The following AGRN variants were observed in gnomAD, a reference collection of about 807,000 sequenced individuals.
The protein encoded by AGRN is agrin proteoglycan.
In AGRN, 106 loss-of-function variants were observed where a neutral mutation model predicts 211.0. The ratio of observed to expected loss-of-function variants is 0.50; its 90% CI spans 0.43 to 0.59. The LOEUF (loss-of-function observed/expected upper bound fraction) is 0.59. Ranked by LOEUF, AGRN falls within the 20% of genes least tolerant of loss-of-function variation. AGRN has a pLI of 0.00. For missense variants in AGRN, 3,040 were observed against 2,982.6 expected (o/e 1.02, Z -0.45); for synonymous variants, 1,525 against 1,332.5 (o/e 1.14, Z -3.15).
intron 12 of AGRN, among the ~76,000 whole-genome samples, chr1:1,044,787 A>G (rs1645044479): frequency 6.6e-6 from 1 of 152,206 alleles, no homozygotes; most frequent in Non-Finnish European, 1.5e-5. Context: ...ATGCGCGTGC[A>G]CAGATGTGTG....
rs747114622 is a variant in AGRN, at chr1:1,048,090, C to T, written c.3830C>T (p.Ser1277Leu). 30 of 1,574,058 alleles carry T rather than the reference C, an allele frequency of 1.9e-5. No homozygotes were observed. Among genetic ancestry groups the T allele is most frequent in the African/African-American group, 1.5e-4 (11 of 74,358 alleles). ...GCCACGGCCAGAGCCACCACTGCAT[C>T]GCGCCTGCCGTCCTCTGCTGTGACC... is the stretch of plus-strand genomic sequence containing the variant. ...AGATARATTA[S>L]RLPSSAVTPR... The change falls in exon 23 of 36, where the codon TCG becomes TTG. Residue 1277 changes from serine to leucine, a missense_variant. Ser to Leu is a moderately radical substitution (Grantham distance 145, BLOSUM62 -2). Around this residue, in one of 3 missense-constraint regions of AGRN, gnomAD observed 1,537 missense variants for 1,505.0 expected, o/e 1.02. Coordinates refer to ENST00000379370, the MANE Select transcript of AGRN (RefSeq NM_198576.4). This position sits in a 1 kb window ranked among gnomAD's most constrained non-coding sequence, Gnocchi z 5.9.
chr1:1,025,738 G>A lies in AGRN; in HGVS notation c.463+3276G>A, dbSNP rs1417495198. Among the ~76,000 whole-genome samples the A allele has an allele frequency of 4.0e-5, 6 of 151,222 alleles. No homozygotes were observed. The East Asian group carries it at 9.8e-4, about 25-fold the overall frequency. On this transcript the variant is annotated intron_variant, in intron 2 of 35. Coordinates refer to ENST00000379370, the MANE Select transcript of AGRN (RefSeq NM_198576.4). ...GAGGGGGTCTGCCGGGTGGGAGGGC[G>A]GAGGGCCTACCTCTGTCCCTCCCCA...
rs1225701192 is a variant in AGRN at position 1,049,242 on chromosome 1, C to T, written c.4305C>T (p.Asp1435=). 2.5e-6 allele frequency: 4 copies of T among 1,582,734 alleles called. No individual in the cohort carries two copies. Among genetic ancestry groups the T allele is most frequent in the Non-Finnish European group, 3.4e-6 (4 of 1,170,568 alleles). Residue 1435 remains aspartate, a synonymous_variant, in exon 25 of 36, where the codon GAC becomes GAT. Coordinates refer to ENST00000379370, the MANE Select transcript of AGRN (RefSeq NM_198576.4). Reference sequence around the variant, plus strand: ...CACCTGCTCCTGCCCTCAGGTTTGACACAGGTTCGGGGCCGGCGGTGCTGA... The same window carrying T: ...CACCTGCTCCTGCCCTCAGGTTTGATACAGGTTCGGGGCCGGCGGTGCTGA... The part of the protein sequence containing the change: ...LLDGRVQLRF[D]TGSGPAVLTS...
Position 1,046,921 on chromosome 1 carries a change from A to C in AGRN, c.3352A>C (p.Thr1118Pro). 1 of 1,579,630 alleles carries C rather than the reference A, an allele frequency of 6.3e-7. No homozygotes were observed. Among genetic ancestry groups the C allele is most frequent in the Non-Finnish European group, 8.6e-7 (1 of 1,163,670 alleles). Residue 1118 changes from threonine (T) to proline (P), a missense_variant, in exon 19 of 36, where the codon ACG (threonine) becomes CCG (proline). Transcript: ENST00000379370. ...GTTGGGCTGCTGCTCTGATGGGAAG[A>C]CGCCCTCGCTGGACGCAGAGGGCTC... ...SALGCCSDGK[T>P]PSLDAEGSNC...
At chr1:1,036,004 C>T (rs964666088) in intron 3 of AGRN, among the ~76,000 whole-genome samples, 5 of 152,076 alleles carry the variant, frequency 3.3e-5, no homozygotes, top group African/African-American at 7.2e-5. Flanking sequence ...GGAACACAGA[C>T]GGGGGGACCG....
Position 1,046,405 on chromosome 1 carries a change from G to T in AGRN, c.2920G>T (p.Ala974Ser). 3.1e-6 allele frequency: 5 copies of T among 1,611,752 alleles called. No homozygotes were observed. The highest frequency in any genetic ancestry group is 3.4e-6 in the Non-Finnish European group (4 of 1,179,642). ...CCTCCCTCTCCTTGCAGAGGCTGTT[G>T]CTCCCAGCACTCACCCGACATCTGC... ...QSLGPCQEAV[A>S]PSTHPTSASV... Residue 974 changes from alanine to serine, a missense_variant, in exon 18 of 36, where the codon GCT becomes TCT. Coordinates refer to ENST00000379370, the MANE Select transcript of AGRN (RefSeq NM_198576.4).
chr1:1,032,850 C>T lies in AGRN; in HGVS notation c.464-2427C>T, dbSNP rs1644702349. On this transcript the variant is annotated intron_variant, in intron 2 of 35. Transcript: ENST00000379370. This position sits in a 1 kb window ranked among gnomAD's most constrained non-coding sequence, Gnocchi z 4.7. The stretch of plus-strand genomic sequence containing the variant: ...GTGTGCGGGGGCGCTGAGGTGCGGT[C>T]GCCGAGAGATTCTGGCCTCCAGGGT... 6.6e-6 allele frequency among the ~76,000 whole-genome samples: 1 copy of T among 151,976 alleles called. No homozygotes were observed. Among genetic ancestry groups the T allele is most frequent in the South Asian group, 2.1e-4 (1 of 4,822 alleles).
At chr1:1,022,744 CT>C (rs1173996357) in intron 2 of AGRN, among the ~76,000 whole-genome samples, 1 of 152,272 alleles carries the variant, frequency 6.6e-6, no homozygotes, top group Non-Finnish European at 1.5e-5. Flanking sequence ...GCTCTCCATA[CT>C]TCCTTCTGGA....
chr1:1,052,781 C>G (rs1406679421), intron 33 of AGRN: 1 of 133,160 alleles, frequency 7.5e-6, no homozygotes, highest in African/African-American at 3.1e-5. Flanking sequence ...AGTGTGTGCA[C>G]ATGGGTCCAT....
chr1:1,028,432 C>T (rs1373156812), intron 2 of AGRN, among the ~76,000 whole-genome samples: 1 of 151,716 alleles, frequency 6.6e-6, no homozygotes, highest in African/African-American at 2.4e-5. Context: ...TTTGGGTGGA[C>T]CGGAAGTCAG....
chr1:1,045,546 G>A, intron 14 of AGRN, 23 bp downstream of exon 14: 2 of 1,611,446 alleles, frequency 1.2e-6, no homozygotes, highest in Non-Finnish European at 1.7e-6. Flanking sequence ...GCCCAGGACT[G>A]GCCACCGGCT....
rs1644367225 is a variant in AGRN at position 1,020,301 on chromosome 1, GA to G, written c.131del (p.Asn44ThrfsTer31). On this transcript the variant is annotated frameshift_variant, in exon 1 of 36. Coordinates refer to ENST00000379370, the MANE Select transcript of AGRN (RefSeq NM_198576.4). LOFTEE classifies it high-confidence loss of function. ...CGCTGGAGCGGCGCGAGGAGGAGGC[GA>G]ACGTGGTGCTCACCGGGACGGTGGA... is the stretch of plus-strand genomic sequence containing the variant. ...RALERREEEA[N>X]VVLTGTVEEI... 6.8e-7 allele frequency: 1 copy of G among 1,478,058 alleles called. No homozygotes were observed. 91.6% of individuals were successfully genotyped at this position (1,478,058 alleles called of 1,614,324 possible).
At chr1:1,033,931 T>C (rs1223156973) in intron 2 of AGRN, among the ~76,000 whole-genome samples, 1 of 150,598 alleles carries the variant, frequency 6.6e-6, no homozygotes, top group Non-Finnish European at 1.5e-5. Context: ...GACGCCGGGG[T>C]CCCTGGAGGC....
At position 1,046,563 on chromosome 1, in the gene AGRN, C is replaced by T; in HGVS notation, c.3078C>T (p.Thr1026=). 1.2e-6 allele frequency: 2 copies of T among 1,609,214 alleles called. No individual in the cohort carries two copies. The highest frequency in any genetic ancestry group is 1.7e-5 in the Admixed American group (1 of 59,886). ...TTPPPSSRPR[T]TASVPRTTVW... is the part of the protein sequence containing the mutation. ...CTCCGCCCTCATCACGACCTCGGAC[C>T]ACTGCCAGCGTCCCCAGGACCACCG... The change falls in exon 18 of 36, where the codon ACC becomes ACT. Residue 1026 remains threonine (T), a synonymous_variant. Coordinates refer to ENST00000379370, the MANE Select transcript of AGRN (RefSeq NM_198576.4).
chr1:1,047,114 C>CT, intron 19 of AGRN, 157 bp downstream of exon 19: 1 of 1,393,704 alleles, frequency 7.2e-7, no homozygotes, highest in African/African-American at 1.4e-5. Flanking sequence ...CCTAACCCGT[C>CT]TCTCTCGTTG....
At position 1,054,907 on chromosome 1, in the gene AGRN, G is replaced by T. The variant is rs758454617; in HGVS notation, c.6064G>T (p.Val2022Leu). 1.9e-6 allele frequency: 3 copies of T among 1,549,150 alleles called. No individual in the cohort carries two copies. The highest frequency in any genetic ancestry group is 1.2e-5 in the South Asian group (1 of 84,054). The change falls in exon 36 of 36, where the codon GTG (valine) becomes TTG (leucine). Residue 2022 changes from valine (V) to leucine (L), a missense_variant. Val to Leu is a conservative substitution (Grantham distance 32). Around this residue, in one of 3 missense-constraint regions of AGRN, gnomAD observed 1,537 missense variants for 1,505.0 expected, o/e 1.02. Coordinates refer to ENST00000379370, the MANE Select transcript of AGRN (RefSeq NM_198576.4). ...GFVGCLRDVV[V>L]GRHPLHLLED... Reference sequence around the variant, plus strand: ...TGTGGGCTGCTTGCGGGACGTGGTGGTGGGCCGGCACCCGCTGCACCTGCT... The same window carrying T: ...TGTGGGCTGCTTGCGGGACGTGGTGTTGGGCCGGCACCCGCTGCACCTGCT...
chr1:1,044,915 C>T (rs1003511933), intron 12 of AGRN, among the ~76,000 whole-genome samples: 1 of 152,196 alleles, frequency 6.6e-6, no homozygotes, highest in African/African-American at 2.4e-5. Flanking sequence ...GTGCACAGAG[C>T]TGCGTGTCCG....
intron 2 of AGRN, among the ~76,000 whole-genome samples, chr1:1,033,820 C>G (rs1294392603): frequency 6.9e-6 from 1 of 145,060 alleles, no homozygotes; most frequent in Non-Finnish European, 1.5e-5. Context: ...CCAGCCCCAG[C>G]CCCAGCCCCA....
In AGRN at chr1:1,041,516, T is replaced by C. The variant is rs1328695176; in HGVS notation, c.991T>C (p.Cys331Arg). 4 of 1,601,356 alleles carry C rather than the reference T, an allele frequency of 2.5e-6. No individual in the cohort carries two copies. Among genetic ancestry groups the C allele is most frequent in the Non-Finnish European group, 2.5e-6 (3 of 1,178,714 alleles). The stretch of plus-strand genomic sequence containing the variant: ...CGCCCTCCCTGACCCGAGCCGCAGC[T>C]GCCGTGTGAACCCGCGCACGCGGCG... Reference protein sequence around the residue: ...QGALPDPSRSCRVNPRTRRPE... With the variant: ...QGALPDPSRSRRVNPRTRRPE... Residue 331 changes from cysteine (C) to arginine (R), a missense_variant, in exon 6 of 36, where the codon TGC becomes CGC. By Grantham distance (180) the Cys-to-Arg change is radical. This residue lies in a region of AGRN where 1,498 missense variants were observed against 1,457.8 expected (regional missense o/e 1.03). Coordinates refer to ENST00000379370, the MANE Select transcript of AGRN (RefSeq NM_198576.4).
Sources: gnomAD v4.1 joint callset for allele counts (sites outside exome capture counted in the v4.1 genomes callset) on GRCh38, gnomAD v4.1.1 for gene constraint, gnomAD v4.1.1 regional missense constraint, Gnocchi (gnomAD v3.1) non-coding constraint, MANE v1.5 for transcripts, NCBI Gene and HGNC (gene_info 2026-07-23, HGNC 2026-07-21) for gene names.